NPAS3: variants seen among roughly 807,000 people sequenced by gnomAD.
The protein encoded by NPAS3 is neuronal PAS domain-containing protein 3.
NPAS3 carries 14 observed loss-of-function variants against 73.1 expected under a neutral mutation model. The observed-to-expected ratio is 0.19, with a 90% CI of 0.13 to 0.30. The LOEUF (loss-of-function observed/expected upper bound fraction) is 0.30, where lower values mean the gene tolerates loss of function less well. Among genes scored for constraint, NPAS3 ranks in the 10% least tolerant of loss-of-function variants. The probability of loss-of-function intolerance (pLI) is 1.00; values close to 1 mark genes in which losing one functional copy is unlikely to be tolerated. For missense variants in NPAS3, 1,096 were observed against 1,250.0 expected, an observed-to-expected ratio of 0.88 and a Z score of 1.86; for synonymous variants, 620 against 541.5, an observed-to-expected ratio of 1.14 and a Z score of -2.01.
intron 6 of NPAS3, among the ~76,000 whole-genome samples, chr14:33,713,671 C>T (rs1345972335): frequency 6.6e-6 from 1 of 152,216 alleles, no homozygotes; most frequent in Non-Finnish European, 1.5e-5. Context: ...CCCTGCACTG[C>T]GGCAGCAGCC....
chr14:33,567,784 G>A (rs2056033365), intron 5 of NPAS3, among the ~76,000 whole-genome samples: 3 of 152,156 alleles, frequency 2.0e-5, no homozygotes, highest in Admixed American at 6.5e-5. Flanking sequence ...GTGCCCAAAT[G>A]GGACTGATTT....
chr14:33,061,996 A>G (rs2041119237), intron 2 of NPAS3, among the ~76,000 whole-genome samples: 1 of 152,146 alleles, frequency 6.6e-6, no homozygotes, highest in Admixed American at 6.5e-5. Context: ...GGCAAATTGC[A>G]AAGGACACAG....
intron 2 of NPAS3, among the ~76,000 whole-genome samples, chr14:33,187,614 T>A (rs1289000011): frequency 6.6e-6 from 1 of 152,188 alleles, no homozygotes; most frequent in Non-Finnish European, 1.5e-5. Context: ...GGTTGATTGT[T>A]GAAGCCCGGA....
intron 6 of NPAS3, among the ~76,000 whole-genome samples, chr14:33,680,323 G>A (rs2059897938): frequency 6.6e-6 from 1 of 152,184 alleles, no homozygotes; most frequent in Non-Finnish European, 1.5e-5. Flanking sequence ...ATATTAGGCT[G>A]TAAAAGTGTT....
chr14:33,046,547 AC>A (rs1334327120), intron 1 of NPAS3, among the ~76,000 whole-genome samples: 1 of 152,184 alleles, frequency 6.6e-6, no homozygotes, highest in African/African-American at 2.4e-5. Context: ...GATGTAGGAG[AC>A]AAGTGCAGAA....
At chr14:33,732,429 C>T (rs866074232) in intron 6 of NPAS3, among the ~76,000 whole-genome samples, 1 of 152,174 alleles carries the variant, frequency 6.6e-6, no homozygotes, top group Non-Finnish European at 1.5e-5. Flanking sequence ...TGAGAGACAC[C>T]ATTGTCACAG....
At chr14:33,090,749 T>C (rs2042196818) in intron 2 of NPAS3, among the ~76,000 whole-genome samples, 1 of 152,208 alleles carries the variant, frequency 6.6e-6, no homozygotes, top group Admixed American at 6.5e-5. Flanking sequence ...TATTTGGAAG[T>C]AAAGCACTCC....
At chr14:33,670,615 A>AC (rs5807738) in intron 5 of NPAS3, among the ~76,000 whole-genome samples, 77,030 of 143,504 alleles carry the variant, frequency 0.54, 20,164 homozygotes, top group Non-Finnish European at 0.58. Flanking sequence ...TATAAATGTG[A>AC]CCCCCCCTCA....
chr14:33,200,635 T>C, intron 2 of NPAS3, among the ~76,000 whole-genome samples: 1 of 149,130 alleles, frequency 6.7e-6, no homozygotes, highest in Non-Finnish European at 1.5e-5. Context: ...AGTTTCATTT[T>C]TAAAATAAGA....
chr14:32,945,885 G>A (rs1434357661), intron 1 of NPAS3, among the ~76,000 whole-genome samples: 1 of 152,192 alleles, frequency 6.6e-6, no homozygotes, highest in Non-Finnish European at 1.5e-5. Flanking sequence ...AGTGGTGCCA[G>A]AAGAATCAGT....
At chr14:33,399,821 A>G (rs1475184587) in intron 4 of NPAS3, among the ~76,000 whole-genome samples, 1 of 152,120 alleles carries the variant, frequency 6.6e-6, no homozygotes, top group Non-Finnish European at 1.5e-5. Context: ...GTAGTGTTTA[A>G]GAGTGTGGAT....
At chr14:33,526,111 C>T (rs191141339) in intron 4 of NPAS3, among the ~76,000 whole-genome samples, 13 of 152,166 alleles carry the variant, frequency 8.5e-5, no homozygotes, top group Middle Eastern at 6.8e-3. Context: ...ATGTTGTTTT[C>T]CTACCGGTAT....
At chr14:32,953,159 A>G (rs2036550759) in intron 1 of NPAS3, among the ~76,000 whole-genome samples, 2 of 152,080 alleles carry the variant, frequency 1.3e-5, no homozygotes, top group Admixed American at 1.3e-4. Flanking sequence ...CAGAGTTGGA[A>G]ATATCTACTC....
At chr14:32,938,486 T>TGAGACAGAGAGAGAGAGAGAGAGAGA (rs2035786628), upstream of NPAS3, among the ~76,000 whole-genome samples, 1 of 55,906 alleles carries the variant, frequency 1.8e-5, no homozygotes, top group Admixed American at 1.9e-4. Flanking sequence ...AGAGAGAAAT[T>TGAGACAGAGAGAGAGAGAGAGAGAGA]GAGAGAGAGA....
intron 5 of NPAS3, among the ~76,000 whole-genome samples, chr14:33,561,209 C>A (rs759243184): frequency 6.6e-6 from 1 of 152,216 alleles, no homozygotes; most frequent in African/African-American, 2.4e-5. Flanking sequence ...AGACTCGTTG[C>A]TTCTGAAAGT....
At chr14:33,669,121 C>A (rs1324884480) in intron 5 of NPAS3, among the ~76,000 whole-genome samples, 3 of 132,554 alleles carry the variant, frequency 2.3e-5, no homozygotes, top group Admixed American at 7.9e-5. Flanking sequence ...AATGAAGAAG[C>A]TTTGAAAGTG....
At chr14:33,704,421 T>C (rs942236822) in intron 6 of NPAS3, among the ~76,000 whole-genome samples, 2 of 152,230 alleles carry the variant, frequency 1.3e-5, no homozygotes, top group African/African-American at 2.4e-5. Context: ...GGTACAGCTA[T>C]GGTTGTAGTT....
intron 4 of NPAS3, among the ~76,000 whole-genome samples, chr14:33,493,682 T>TA (rs1555402323): frequency 6.6e-6 from 1 of 152,124 alleles, no homozygotes; most frequent in African/African-American, 2.4e-5. Flanking sequence ...TCCCTGTGAC[T>TA]AAAAACCAGC....
At chr14:33,303,485 GA>G (rs1380747292) in intron 3 of NPAS3, among the ~76,000 whole-genome samples, 21 of 151,858 alleles carry the variant, frequency 1.4e-4, no homozygotes, top group Admixed American at 2.6e-4. Flanking sequence ...AAAGAAACAT[GA>G]ATATACAAGT....
Sources: gnomAD v4.1 joint callset for allele counts (sites outside exome capture counted in the v4.1 genomes callset) on GRCh38, gnomAD v4.1.1 for gene constraint, MANE v1.5 for transcripts, NCBI Gene and HGNC (gene_info 2026-07-23, HGNC 2026-07-21) for gene names.